Variants in SYNE1 observed in about 807,000 individuals in gnomAD.
SYNE1 encodes spectrin repeat containing nuclear envelope protein 1.
In SYNE1, 616 loss-of-function variants were observed where a neutral mutation model predicts 1,111.0. That is an observed-to-expected ratio of 0.55 (90% CI 0.52 to 0.59). SYNE1 has a LOEUF of 0.59. SYNE1 is among the 20% of genes least tolerant of loss of function. The probability of loss-of-function intolerance (pLI) is 0.00; values close to 1 mark genes in which losing one functional copy is unlikely to be tolerated. For missense variants in SYNE1, 10,006 were observed against 10,417.0 expected, an observed-to-expected ratio of 0.96 and a Z score of 1.72; for synonymous variants, 3,855 against 3,825.8, an observed-to-expected ratio of 1.01 and a Z score of -0.28.
At position 152,310,376 on chromosome 6, in the gene SYNE1, T is replaced by C; in HGVS notation, c.17019+20A>G. 6.2e-7 allele frequency: 1 copy of C among 1,613,994 alleles called. No homozygotes were observed. Among genetic ancestry groups the C allele is most frequent in the Non-Finnish European group, 8.5e-7 (1 of 1,180,022 alleles). ...AATATAGGTCCCTGTCCCTATTTACTCCAAGTTAGTTTGGCTTACCTGCCG... is the reference window on the plus strand; with the variant it reads ...AATATAGGTCCCTGTCCCTATTTACCCCAAGTTAGTTTGGCTTACCTGCCG... On this transcript the variant is annotated intron_variant, in intron 89 of 145. Coordinates refer to ENST00000367255, the MANE Select transcript of SYNE1 (RefSeq NM_182961.4).
intron 14 of SYNE1, among the ~76,000 whole-genome samples, chr6:152,477,379 C>A (rs545777593): frequency 2.7e-4 from 41 of 152,040 alleles, no homozygotes; most frequent in Middle Eastern, 3.4e-3. Flanking sequence ...AAGAGGGGAC[C>A]TTTTAGTAAA....
chr6:152,352,702 C>T (rs1159108166), intron 69 of SYNE1, among the ~76,000 whole-genome samples: 1 of 152,198 alleles, frequency 6.6e-6, no homozygotes, highest in Non-Finnish European at 1.5e-5. Context: ...CTGTGCCTGG[C>T]CATTTCTTTT....
chr6:152,281,754 TA>T, intron 97 of SYNE1, 52 bp downstream of exon 97: 1 of 1,603,532 alleles, frequency 6.2e-7, no homozygotes, highest in Non-Finnish European at 8.5e-7. Flanking sequence ...TTCTGTAGTT[TA>T]AAAAAATGTG....
chr6:152,441,523 A>C (rs564227248), intron 31 of SYNE1, among the ~76,000 whole-genome samples: 22 of 152,324 alleles, frequency 1.4e-4, no homozygotes, highest in Non-Finnish European at 2.5e-4. Context: ...AAGTCTTAGA[A>C]ATGTAAAGAT....
intron 101 of SYNE1, 48 bp from the exon 102 acceptor site, chr6:152,256,813 C>T: frequency 6.2e-7 from 1 of 1,608,528 alleles, no homozygotes; most frequent in Non-Finnish European, 8.5e-7. Flanking sequence ...GCATTATGTC[C>T]CAGTATTCTC....
intron 125 of SYNE1, 85 bp downstream of exon 125, chr6:152,207,887 G>C: frequency 7.8e-7 from 1 of 1,275,486 alleles, no homozygotes; most frequent in Non-Finnish European, 1.1e-6. Flanking sequence ...TGTCACTCTA[G>C]AGTCCTTTTG....
rs780771518 is a variant in SYNE1, at chr6:152,206,300, C to T, written c.22887G>A (p.Lys7629=). The part of the protein sequence containing the change: ...GSYILTVEAG[K]QLLLSADSGA... ...CACTGTCCGCCGAGAGAAGGAGTTG[C>T]TTGCCAGCCTCCACAGTCAGGATGT... The change falls in exon 126 of 146, where the codon AAG becomes AAA. Residue 7629 remains lysine, a synonymous_variant. Coordinates refer to ENST00000367255, the MANE Select transcript of SYNE1 (RefSeq NM_182961.4). The T allele has an allele frequency of 1.5e-5, 25 of 1,613,936 alleles. No homozygotes were observed. Among genetic ancestry groups the T allele is most frequent in the Non-Finnish European group, 1.9e-5 (23 of 1,180,022 alleles).
intron 12 of SYNE1, among the ~76,000 whole-genome samples, chr6:152,487,363 T>C (rs1420943977): frequency 6.6e-6 from 1 of 152,232 alleles, no homozygotes; most frequent in Non-Finnish European, 1.5e-5. Flanking sequence ...TCCATGTCCC[T>C]GCAAAGGGCA....
At chr6:152,461,555 T>C in intron 21 of SYNE1, 42 bp downstream of exon 21, 2 of 1,613,554 alleles carry the variant, frequency 1.2e-6, no homozygotes, top group East Asian at 2.2e-5. Flanking sequence ...GAAGGCACTG[T>C]TGGTGTCACA....
chr6:152,398,570 C>T (rs373261272), intron 49 of SYNE1, 49 bp downstream of exon 49: 69 of 1,481,070 alleles, frequency 4.7e-5, no homozygotes, highest in Admixed American at 1.0e-4. Context: ...TGCCTGCAGG[C>T]ACCTGAGTAC....
intron 126 of SYNE1, 51 bp from the exon 127 acceptor site, chr6:152,202,000 T>C (rs2075560622): frequency 1.9e-6 from 3 of 1,590,816 alleles, no homozygotes; most frequent in Non-Finnish European, 2.6e-6. Context: ...TGTAGGAAAC[T>C]GGGGGGGGAA....
At chr6:152,312,225 C>T (rs112500720) in intron 87 of SYNE1, among the ~76,000 whole-genome samples, 942 of 10,672 alleles carry the variant, frequency 0.088, 36 homozygotes, top group African/African-American at 0.13. Context: ...TTTTTTTTTT[C>T]TGAGACGGAG....
chr6:152,349,297 T>A (rs2096700604), intron 72 of SYNE1, among the ~76,000 whole-genome samples: 1 of 152,234 alleles, frequency 6.6e-6, no homozygotes, highest in Admixed American at 6.5e-5. Context: ...ATCACCTATA[T>A]CAAAGATAAG....
At chr6:152,224,000 C>T (rs1047366420) in intron 117 of SYNE1, among the ~76,000 whole-genome samples, 6 of 152,146 alleles carry the variant, frequency 3.9e-5, no homozygotes, top group Non-Finnish European at 7.3e-5. Flanking sequence ...CACAGGAAAC[C>T]AAGCAGTAAG....
chr6:152,137,921 G>T (rs545187784), intron 140 of SYNE1, among the ~76,000 whole-genome samples: 3 of 152,110 alleles, frequency 2.0e-5, no homozygotes, highest in Non-Finnish European at 4.4e-5. Flanking sequence ...TTGTCATGCC[G>T]GATGACTTTC....
At chr6:152,623,482 G>C (rs537343324) in intron 3 of SYNE1, among the ~76,000 whole-genome samples, 2 of 152,142 alleles carry the variant, frequency 1.3e-5, no homozygotes, top group South Asian at 4.1e-4. Flanking sequence ...ACATGATGAA[G>C]ATGCCAAAAG....
intron 3 of SYNE1, among the ~76,000 whole-genome samples, chr6:152,550,926 T>C (rs1220536213): frequency 6.6e-6 from 1 of 152,162 alleles, no homozygotes; most frequent in Non-Finnish European, 1.5e-5. Context: ...GATGGAGATG[T>C]GCACTCAGAG....
chr6:152,559,945 C>T (rs1334057074), intron 3 of SYNE1, among the ~76,000 whole-genome samples: 1 of 152,072 alleles, frequency 6.6e-6, no homozygotes, highest in Non-Finnish European at 1.5e-5. Flanking sequence ...ACTGATACTA[C>T]AGAAATATAA....
intron 127 of SYNE1, among the ~76,000 whole-genome samples, chr6:152,191,102 T>C (rs1158810092): frequency 6.6e-6 from 1 of 152,262 alleles, no homozygotes. Flanking sequence ...CAACCATCAT[T>C]GCATCCCTGG....
Sources: gnomAD v4.1 joint callset for allele counts (sites outside exome capture counted in the v4.1 genomes callset) on GRCh38, gnomAD v4.1.1 for gene constraint, MANE v1.5 for transcripts, NCBI Gene and HGNC (gene_info 2026-07-23, HGNC 2026-07-21) for gene names.